MAP3K19: variants seen among roughly 807,000 people sequenced by gnomAD.
MAP3K19 encodes mitogen-activated protein kinase kinase kinase 19.
In MAP3K19, 91 loss-of-function variants were observed where a neutral mutation model predicts 114.4. The ratio of observed to expected loss-of-function variants is 0.80; its 90% CI spans 0.67 to 0.95. The LOEUF is 0.95. MAP3K19 is among the 40% of genes least tolerant of loss of function. The pLI is 0.00. For missense variants in MAP3K19, 1,471 were observed against 1,573.2 expected (o/e 0.94, Z 1.10); for synonymous variants, 518 against 530.5 (o/e 0.98, Z 0.32).
chr2:135,029,248 C>T (rs1328879478), intron 3 of MAP3K19, among the ~76,000 whole-genome samples: 3 of 152,096 alleles, frequency 2.0e-5, no homozygotes, highest in Non-Finnish European at 2.9e-5. Context: ...TGGTGGCGGG[C>T]GCCTGTAGTC....
rs140022497 is a variant in MAP3K19, at chr2:134,987,734, A to G, written c.1138T>C (p.Tyr380His). 5.5e-3 allele frequency: 8,907 copies of G among 1,610,702 alleles called. 131 individuals are homozygous for G. Among genetic ancestry groups the G allele is most frequent in the South Asian group, 0.043 (3,875 of 91,050 alleles). ...CATACTATTTCTGGATCTTGTTCATAGTTTTTGGCTACTGAACTCTCATTC... is the reference window on the plus strand; with the variant it reads ...CATACTATTTCTGGATCTTGTTCATGGTTTTTGGCTACTGAACTCTCATTC... Reference protein sequence around the residue: ...RKNESSVAKNYEQDPEIVCTI... With the variant: ...RKNESSVAKNHEQDPEIVCTI... Residue 380 changes from tyrosine (Y) to histidine (H), a missense_variant, in exon 10 of 13, where the codon TAT (tyrosine) becomes CAT (histidine). Tyr to His is a moderately conservative substitution (Grantham distance 83, BLOSUM62 2). Transcript: ENST00000392915.
At chr2:135,039,758 C>G (rs1688610365) in intron 2 of MAP3K19, among the ~76,000 whole-genome samples, 1 of 152,200 alleles carries the variant, frequency 6.6e-6, no homozygotes, top group Non-Finnish European at 1.5e-5. Flanking sequence ...ATTGTTGCCA[C>G]TTTTACCTGA....
intron 6 of MAP3K19, among the ~76,000 whole-genome samples, chr2:135,001,056 A>G (rs564128008): frequency 1.2e-4 from 18 of 152,254 alleles, no homozygotes; most frequent in Admixed American, 3.9e-4. Context: ...ATACATAGGA[A>G]CTACCATAGT....
In MAP3K19 at chr2:135,021,810, G is replaced by A; in HGVS notation, c.43C>T (p.Leu15Phe). The A allele has an allele frequency of 6.2e-7, 1 of 1,605,974 alleles. No homozygotes were observed. The highest frequency in any genetic ancestry group is 1.7e-5 in the Admixed American group (1 of 58,930). Residue 15 changes from leucine (L) to phenylalanine (F), a missense_variant, in exon 5 of 13, where the codon CTT (leucine) becomes TTT (phenylalanine). By Grantham distance (22) the Leu-to-Phe change is conservative. Coordinates refer to ENST00000392915, the MANE Select transcript of MAP3K19 (RefSeq NM_025052.5). ...PKPERHAESL[L>F]DICHDTNSSP... is the part of the protein sequence containing the mutation. ...GAGTTTGTATCATGACAAATGTCAA[G>A]CAATGACTCAGCATGTCTTTCTATC...
At position 134,999,859 on chromosome 2, in the gene MAP3K19, T is replaced by A; in HGVS notation, c.314+78A>T. The A allele has an allele frequency of 1.1e-6, 1 of 934,146 alleles. No individual in the cohort carries two copies. The highest frequency in any genetic ancestry group is 1.4e-5 in the South Asian group (1 of 74,040). The allele number at this position is 934,146 out of a possible 1,614,324, so 57.9% of individuals were successfully genotyped here. ...TAAGCATTATTATGGATTCAATTAC[T>A]AATAATGTAGGTTGCCATATGACTA... On this transcript the variant is annotated intron_variant, in intron 7 of 12. Transcript: ENST00000392915. The surrounding 1 kb of genome is among the most constrained non-coding windows in gnomAD (Gnocchi z 4.1).
chr2:135,042,068 C>T (rs2104800271), intron 1 of MAP3K19, among the ~76,000 whole-genome samples: 1 of 152,230 alleles, frequency 6.6e-6, no homozygotes, highest in East Asian at 1.9e-4. Flanking sequence ...ATTGACCAGT[C>T]CCAATAAACA....
chr2:134,995,758 T>A (rs7608341), intron 8 of MAP3K19, among the ~76,000 whole-genome samples: 8,261 of 152,136 alleles, frequency 0.054, 658 homozygotes, highest in East Asian at 0.38. Context: ...AACAGAGACA[T>A]TGAATATTGA....
chr2:135,044,634 TA>T (rs1280503931), intron 1 of MAP3K19, among the ~76,000 whole-genome samples: 1 of 152,182 alleles, frequency 6.6e-6, no homozygotes, highest in African/African-American at 2.4e-5. Flanking sequence ...AACTAGTATT[TA>T]AAGGCACATT....
At chr2:134,984,901 G>A (rs1417127346) in intron 10 of MAP3K19, among the ~76,000 whole-genome samples, 1 of 152,172 alleles carries the variant, frequency 6.6e-6, no homozygotes, top group Non-Finnish European at 1.5e-5. Context: ...GCAGCAAGCC[G>A]AGATCGCAGC....
At chr2:135,036,806 A>G (rs1688541529) in intron 2 of MAP3K19, among the ~76,000 whole-genome samples, 2 of 152,172 alleles carry the variant, frequency 1.3e-5, no homozygotes, top group Admixed American at 1.3e-4. Flanking sequence ...AAGAAAAACC[A>G]GGAGGAGGTC....
At chr2:134,968,401 G>T (rs112223262) in intron 12 of MAP3K19, among the ~76,000 whole-genome samples, 32,581 of 137,222 alleles carry the variant, frequency 0.24, 4,151 homozygotes, top group Middle Eastern at 0.56. Context: ...GGTGGTGGCC[G>T]GGCAGAGGGG....
intron 12 of MAP3K19, among the ~76,000 whole-genome samples, chr2:134,973,011 G>A (rs1368252953): frequency 6.6e-6 from 1 of 152,078 alleles, no homozygotes; most frequent in Non-Finnish European, 1.5e-5. Flanking sequence ...GTATGATTTT[G>A]ATTTTTAAAA....
Position 134,987,882 on chromosome 2 carries a change from C to A in MAP3K19, c.990G>T (p.Leu330Phe), listed in dbSNP as rs144042857. The A allele has an allele frequency of 8.7e-6, 14 of 1,613,502 alleles. No homozygotes were observed. In the South Asian group the frequency reaches 1.1e-4, roughly 13 times the overall value. Reference protein sequence around the residue: ...EITHFEKGQSLVSFENLKEGN... With the variant: ...EITHFEKGQSFVSFENLKEGN... ...CTTCCTTCAAATTCTCAAAAGACAC[C>A]AAAGACTGCCCTTTTTCAAAGTGAG... Residue 330 changes from leucine (L) to phenylalanine (F), a missense_variant, in exon 10 of 13, where the codon TTG becomes TTT. By Grantham distance (22) the Leu-to-Phe change is conservative. Transcript: ENST00000392915.
intron 11 of MAP3K19, chr2:134,983,163 T>A (rs1366182307): frequency 3.8e-6 from 2 of 531,094 alleles, no homozygotes; most frequent in East Asian, 5.5e-5. Context: ...TCTATCTGAC[T>A]GTATGTTTGT....
In MAP3K19 at chr2:134,991,547, C is replaced by A. The variant is rs776179464; in HGVS notation, c.608G>T (p.Arg203Leu). The change falls in exon 9 of 13, where the codon CGA becomes CTA. Residue 203 changes from arginine (R) to leucine (L), a missense_variant. Transcript: ENST00000392915. ...FSTSHMKYSG[R>L]SIKFLLPPLS... ...TAGCACTAATCTTACCTTGATGCTT[C>A]GGCCACTGTACTTCATATGAGAGGT... The A allele has an allele frequency of 6.2e-7, 1 of 1,612,530 alleles. No individual in the cohort carries two copies. The highest frequency in any genetic ancestry group is 1.3e-5 in the African/African-American group (1 of 74,856).
rs187268253 is a variant in MAP3K19, at chr2:134,992,794, C to T, written c.575-1214G>A. 1.6e-4 allele frequency among the ~76,000 whole-genome samples: 24 copies of T among 152,150 alleles called. No individual in the cohort carries two copies. The East Asian group carries it at 3.3e-3, about 21-fold the overall frequency. On this transcript the variant is annotated intron_variant, in intron 8 of 12. Transcript: ENST00000392915. ...AAGCAATTCTCCTGCCTCAGCCTCC[C>T]GAGAAGCTGGGATTACAGGCACCTG...
chr2:134,968,628 T>C (rs1427141445), intron 12 of MAP3K19, among the ~76,000 whole-genome samples: 2 of 140,218 alleles, frequency 1.4e-5, no homozygotes, highest in African/African-American at 2.7e-5. Context: ...TCCTCACTTC[T>C]CAGACGGGGC....
intron 5 of MAP3K19, among the ~76,000 whole-genome samples, chr2:135,019,965 C>T (rs1470036355): frequency 5.3e-5 from 8 of 152,062 alleles, no homozygotes; most frequent in Non-Finnish European, 8.8e-5. Flanking sequence ...GAGGCACCTC[C>T]TTTTTGGTAC....
At chr2:134,980,332 T>C (rs1055369217) in intron 12 of MAP3K19, among the ~76,000 whole-genome samples, 4 of 152,204 alleles carry the variant, frequency 2.6e-5, no homozygotes, top group African/African-American at 9.6e-5. Flanking sequence ...TTTAATTCCA[T>C]AGATAGGAGA....
Sources: gnomAD v4.1 joint callset for allele counts (sites outside exome capture counted in the v4.1 genomes callset) on GRCh38, gnomAD v4.1.1 for gene constraint, Gnocchi (gnomAD v3.1) non-coding constraint, MANE v1.5 for transcripts, NCBI Gene and HGNC (gene_info 2026-07-23, HGNC 2026-07-21) for gene names.